The following ACYP2 variants were observed in gnomAD, a reference collection of about 807,000 sequenced individuals.
The protein encoded by ACYP2 is acylphosphatase-2.
A neutral mutation model predicts 11.2 loss-of-function variants in ACYP2; 12 were observed. That is an observed-to-expected ratio of 1.08 (90% confidence interval 0.69 to 1.74). The LOEUF is 1.74. Ranked by LOEUF, ACYP2 falls within the 40% of genes most tolerant of loss-of-function variation. ACYP2 has a pLI of 0.00. For synonymous variants in ACYP2, 43 were observed against 32.2 expected, an observed-to-expected ratio of 1.33 and a Z score of -1.13; for missense variants, 134 against 101.9, an observed-to-expected ratio of 1.31 and a Z score of -1.35.
At chr2:54,078,992 T>C (rs760134442) in intron 4 of ACYP2, among the ~76,000 whole-genome samples, 8 of 152,266 alleles carry the variant, frequency 5.3e-5, no homozygotes, top group Non-Finnish European at 1.0e-4. Flanking sequence ...GTTTACTGAA[T>C]GAGTAGAGAC....
At chr2:54,208,221 C>T (rs1685163194) in intron 6 of ACYP2, among the ~76,000 whole-genome samples, 1 of 152,078 alleles carries the variant, frequency 6.6e-6, no homozygotes, top group Admixed American at 6.6e-5. Flanking sequence ...TTATTTCCCC[C>T]CTATATCCCT....
chr2:53,973,916 T>C (rs1406637128), intron 2 of ACYP2: 1 of 163,816 alleles, frequency 6.1e-6, no homozygotes. Flanking sequence ...TATTTTTTTT[T>C]TTTTTTTTTT....
chr2:54,164,057 C>T (rs1303626546), intron 6 of ACYP2, among the ~76,000 whole-genome samples: 1 of 151,992 alleles, frequency 6.6e-6, no homozygotes, highest in African/African-American at 2.4e-5. Flanking sequence ...GGTAAAGAAG[C>T]GTGGTAGAAT....
intron 4 of ACYP2, among the ~76,000 whole-genome samples, chr2:54,070,933 T>C (rs1313693058): frequency 6.6e-6 from 1 of 151,908 alleles, no homozygotes; most frequent in Non-Finnish European, 1.5e-5. Context: ...TTTGTTTTTT[T>C]CAGAGACAGA....
intron 2 of ACYP2, among the ~76,000 whole-genome samples, chr2:53,993,211 T>C (rs1282817055): frequency 6.6e-6 from 1 of 151,896 alleles, no homozygotes; most frequent in Non-Finnish European, 1.5e-5. Context: ...AAAAGGTTTT[T>C]GCTTTGTTTC....
intron 6 of ACYP2, chr2:54,256,167 G>A (rs770147524): frequency 6.2e-7 from 1 of 1,601,328 alleles, no homozygotes; most frequent in Non-Finnish European, 8.5e-7. Context: ...TAGCGGCCAG[G>A]GCAGCAGTGG....
intron 6 of ACYP2, among the ~76,000 whole-genome samples, chr2:54,303,381 A>G (rs1388553045): frequency 6.6e-6 from 1 of 151,448 alleles, no homozygotes; most frequent in African/African-American, 2.4e-5. Flanking sequence ...AAAAGTTGTT[A>G]GTGCTTAATA....
chr2:54,055,245 C>G (rs750095871), intron 3 of ACYP2, among the ~76,000 whole-genome samples: 25 of 152,096 alleles, frequency 1.6e-4, no homozygotes, highest in Admixed American at 6.5e-4. Context: ...CCATGTTGGC[C>G]AAGCTGGTCT....
chr2:54,039,696 G>C (rs766032373), intron 2 of ACYP2, among the ~76,000 whole-genome samples: 2 of 152,008 alleles, frequency 1.3e-5, no homozygotes, highest in Non-Finnish European at 2.9e-5. Flanking sequence ...GGGATTACAG[G>C]CATGAGCCAG....
intron 1 of ACYP2, among the ~76,000 whole-genome samples, chr2:53,971,521 C>G (rs1379691519): frequency 6.6e-6 from 1 of 152,208 alleles, no homozygotes; most frequent in Admixed American, 6.5e-5. Context: ...AAAATAGTTA[C>G]TCGCTGAACA....
chr2:54,267,265 G>A (rs774923616), intron 6 of ACYP2: 12 of 1,545,406 alleles, frequency 7.8e-6, no homozygotes, highest in Non-Finnish European at 9.6e-6. Flanking sequence ...ATGTCTGAAA[G>A]GAAATTCAGA....
chr2:53,993,179 A>G (rs1219310756), intron 2 of ACYP2, among the ~76,000 whole-genome samples: 3 of 151,866 alleles, frequency 2.0e-5, no homozygotes. Context: ...GCACTTCAGC[A>G]TGGGCGACAG....
chr2:54,290,246 G>A (rs1558671458), intron 6 of ACYP2, among the ~76,000 whole-genome samples: 2 of 152,024 alleles, frequency 1.3e-5, no homozygotes, highest in South Asian at 2.1e-4. Flanking sequence ...GCTTGGTCCC[G>A]GAGTCCACGG....
chr2:54,271,190 G>C (rs1688282362), intron 6 of ACYP2, among the ~76,000 whole-genome samples: 1 of 152,152 alleles, frequency 6.6e-6, no homozygotes, highest in Non-Finnish European at 1.5e-5. Context: ...TCCCCTCCTT[G>C]TCCGGGACTG....
At chr2:54,055,942 T>C (rs1264438377) in intron 3 of ACYP2, among the ~76,000 whole-genome samples, 1 of 152,220 alleles carries the variant, frequency 6.6e-6, no homozygotes, top group African/African-American at 2.4e-5. Flanking sequence ...ATAGTAGTAC[T>C]GTCAGATATA....
At chr2:54,219,857 ATGTG>A (rs771365126) in intron 6 of ACYP2, among the ~76,000 whole-genome samples, 3 of 41,064 alleles carry the variant, frequency 7.3e-5, no homozygotes, top group African/African-American at 9.2e-5. Flanking sequence ...GTGTATATAG[ATGTG>A]TGTGTGTGTG....
At chr2:54,027,509 TAC>T (rs972570841) in intron 2 of ACYP2, among the ~76,000 whole-genome samples, 125 of 152,288 alleles carry the variant, frequency 8.2e-4, no homozygotes, top group Non-Finnish European at 2.9e-4. Flanking sequence ...ATCATAAAAA[TAC>T]ACAGTTTTTC....
intron 4 of ACYP2, among the ~76,000 whole-genome samples, chr2:54,133,421 C>A (rs1681038612): frequency 6.6e-6 from 1 of 151,614 alleles, no homozygotes; most frequent in Non-Finnish European, 1.5e-5. Context: ...AATTTAAGCA[C>A]TTTTTTTTTC....
chr2:53,975,914 C>G (rs1005387164), intron 2 of ACYP2, among the ~76,000 whole-genome samples: 1 of 152,174 alleles, frequency 6.6e-6, no homozygotes, highest in Non-Finnish European at 1.5e-5. Context: ...CTCAAGGAAA[C>G]AGACTATAAT....
Sources: gnomAD v4.1 joint callset for allele counts (sites outside exome capture counted in the v4.1 genomes callset) on GRCh38, gnomAD v4.1.1 for gene constraint, MANE v1.5 for transcripts, NCBI Gene and HGNC (gene_info 2026-07-23, HGNC 2026-07-21) for gene names.